Variants in ACE observed in about 807,000 individuals in gnomAD.
ACE encodes the protein angiotensin I converting enzyme.
In ACE, 122 loss-of-function variants were observed where a neutral mutation model predicts 162.3. That is an observed-to-expected ratio of 0.75 (90% CI 0.65 to 0.87). The LOEUF is 0.87. ACE is among the 40% of genes least tolerant of loss of function. The probability of loss-of-function intolerance (pLI) is 0.00; values close to 1 mark genes in which losing one functional copy is unlikely to be tolerated. For synonymous variants in ACE, 796 were observed against 720.6 expected (o/e 1.10, Z -1.68); for missense variants, 1,799 against 1,735.1 (o/e 1.04, Z -0.65).
intron 17 of ACE, 128 bp from the exon 18 acceptor site, chr17:63,490,826 G>A: frequency 1.1e-6 from 1 of 885,114 alleles, no homozygotes; most frequent in Non-Finnish European, 1.9e-6. Context: ...CTTGCAAACA[G>A]TAGGTGCTCA....
In ACE at chr17:63,481,590, C is replaced by T. The variant is rs35141294; in HGVS notation, c.970C>T (p.Arg324Trp). 1.6e-3 allele frequency: 2,513 copies of T among 1,613,962 alleles called. 27 individuals carry two copies. The African/African-American group carries it at 0.025, about 16-fold the overall frequency. Reference protein sequence around the residue: ...QQGWNATHMFRVAEEFFTSLE... With the variant: ...QQGWNATHMFWVAEEFFTSLE... ...GGGCTGGAACGCCACGCACATGTTC[C>T]GGGTGGCAGAGGAGTTCTTCACCTC... Residue 324 changes from arginine to tryptophan, a missense_variant, in exon 7 of 25, where the codon CGG (arginine) becomes TGG (tryptophan). Coordinates refer to ENST00000290866, the MANE Select transcript of ACE (RefSeq NM_000789.4).
intron 17 of ACE, 166 bp from the exon 18 acceptor site, chr17:63,490,788 C>A: frequency 1.4e-6 from 1 of 698,944 alleles, no homozygotes; most frequent in Non-Finnish European, 2.6e-6. Context: ...GCTGGATATG[C>A]ACACCAAAGA....
At position 63,487,072 on chromosome 17, in the gene ACE, A is replaced by G; in HGVS notation, c.2304A>G (p.Pro768=). 2.5e-6 allele frequency: 4 copies of G among 1,613,238 alleles called. No individual in the cohort carries two copies. Among genetic ancestry groups the G allele is most frequent in the Non-Finnish European group, 3.4e-6 (4 of 1,179,766 alleles). Residue 768 remains proline (P), a splice_region_variant and synonymous_variant, in exon 15 of 25, where the codon CCA becomes CCG. Transcript: ENST00000290866. ...HPNGSCLQLE[P]DLTNVMATSR... ...ATGGCAGCTGCCTGCAGCTCGAGCC[A>G]GGTGAGAGCTCATGTGCAGGCTGAG... is the stretch of plus-strand genomic sequence containing the variant.
chr17:63,479,754 CTGCCTG>C lies in ACE; in HGVS notation c.512-12_512-7del. The C allele has an allele frequency of 6.2e-7, 1 of 1,613,054 alleles. No homozygotes were observed. Among genetic ancestry groups the C allele is most frequent in the Non-Finnish European group, 8.5e-7 (1 of 1,180,026 alleles). The stretch of plus-strand genomic sequence containing the variant: ...GTGGAGGCCTCCTCACCGACCCTGC[CTGCCTG>C]TGTCTCAGATCTCACCAACATCCTG... On this transcript the variant is annotated splice_polypyrimidine_tract_variant and intron_variant, in intron 3 of 24. Coordinates refer to ENST00000290866, the MANE Select transcript of ACE (RefSeq NM_000789.4).
At chr17:63,480,186 AT>A in intron 4 of ACE, 150 bp from the exon 5 acceptor site, 1 of 913,104 alleles carries the variant, frequency 1.1e-6, no homozygotes, top group Non-Finnish European at 1.7e-6. Flanking sequence ...GCTGTAGCTA[AT>A]TAGAAATTGT....
rs200907466 is a variant in ACE, at chr17:63,480,439, A to C, written c.758A>C (p.Asn253Thr). The C allele has an allele frequency of 1.2e-6, 2 of 1,614,028 alleles. No homozygotes were observed. Among genetic ancestry groups the C allele is most frequent in the Non-Finnish European group, 1.7e-6 (2 of 1,180,006 alleles). ...LYQQLEPLYL[N>T]LHAFVRRALH... The stretch of plus-strand genomic sequence containing the variant: ...CAACAGCTAGAGCCCCTCTACCTGA[A>C]CCTCCATGCCTTCGTCCGCCGCGCA... Residue 253 changes from asparagine to threonine, a missense_variant, in exon 5 of 25, where the codon AAC becomes ACC. Physicochemically the swap from Asn to Thr is moderately conservative, Grantham distance 65. Coordinates refer to ENST00000290866, the MANE Select transcript of ACE (RefSeq NM_000789.4).
At chr17:63,482,395 C>A in intron 7 of ACE, 71 bp from the exon 8 acceptor site, 3 of 1,417,294 alleles carry the variant, frequency 2.1e-6, no homozygotes, top group South Asian at 1.2e-5. Context: ...AGGTGCCAAT[C>A]TGCCCTGTGC....
Position 63,481,697 on chromosome 17 carries a change from C to T in ACE, c.1077C>T (p.Cys359=), listed in dbSNP as rs750150414. The T allele has an allele frequency of 1.2e-6, 2 of 1,614,172 alleles. No homozygotes were observed. The highest frequency in any genetic ancestry group is 8.5e-7 in the Non-Finnish European group (1 of 1,180,028). Residue 359 remains cysteine (C), a synonymous_variant, in exon 7 of 25, where the codon TGC becomes TGT. Coordinates refer to ENST00000290866, the MANE Select transcript of ACE (RefSeq NM_000789.4). ...EKPADGREVV[C]HASAWDFYNR... ...CGGCCGACGGGCGGGAAGTGGTGTG[C>T]CACGCCTCGGCTTGGGACTTCTACA... is the stretch of plus-strand genomic sequence containing the variant.
In ACE at chr17:63,497,773, G is replaced by T. The variant is rs771222565; in HGVS notation, c.*407G>T. On this transcript the variant is annotated 3_prime_UTR_variant, in exon 25 of 25. Coordinates refer to ENST00000290866, the MANE Select transcript of ACE (RefSeq NM_000789.4). Reference sequence around the variant, plus strand: ...CCAGAGCTCTGCCCCAGCACCTCCTGGCGCTGGCGCCTGTCTTCCCTCCAG... The same window carrying T: ...CCAGAGCTCTGCCCCAGCACCTCCTTGCGCTGGCGCCTGTCTTCCCTCCAG... The T allele has an allele frequency of 2.6e-5, 10 of 383,080 alleles. No individual in the cohort carries two copies. Among genetic ancestry groups the T allele is most frequent in the Non-Finnish European group, 4.5e-5 (9 of 200,114 alleles). 23.7% of individuals were successfully genotyped at this position (383,080 alleles called of 1,614,324 possible). A position where few individuals can be genotyped will look rare whatever the true frequency, so the allele number is the denominator to read the frequency against.
chr17:63,494,323 G>A, intron 21 of ACE, 49 bp from the exon 22 acceptor site: 1 of 1,574,972 alleles, frequency 6.3e-7, no homozygotes, highest in South Asian at 1.1e-5. Context: ...GCCACCCCCA[G>A]CCTGGTTCTC....
chr17:63,495,512 G>A (rs1396279047), intron 22 of ACE, among the ~76,000 whole-genome samples: 2 of 152,194 alleles, frequency 1.3e-5, no homozygotes, highest in African/African-American at 2.4e-5. Context: ...ATTGTGGGAT[G>A]GATGAAGTCT....
intron 8 of ACE, 82 bp from the exon 9 acceptor site, chr17:63,482,947 G>T: frequency 6.8e-7 from 1 of 1,465,434 alleles, no homozygotes; most frequent in Non-Finnish European, 9.6e-7. Flanking sequence ...CTCACTTTCT[G>T]CTGCCCCGCC....
At chr17:63,481,239 A>G (rs1235206374) in intron 6 of ACE, 51 bp downstream of exon 6, 2 of 1,520,096 alleles carry the variant, frequency 1.3e-6, no homozygotes, top group Non-Finnish European at 1.8e-6. Context: ...GTGGGGCGCA[A>G]AAAAAGGGAG....
In ACE at chr17:63,486,640, C is replaced by T; in HGVS notation, c.2142C>T (p.Asn714=). ...ARKFDVNQLQ[N]TTIKRIIKKV... ...AGTTTGATGTGAACCAGTTGCAGAA[C>T]ACCACTATCAAGCGGATCATAAAGA... Residue 714 remains asparagine (N), a synonymous_variant, in exon 14 of 25, where the codon AAC becomes AAT. Transcript: ENST00000290866. 6.2e-7 allele frequency: 1 copy of T among 1,614,230 alleles called. No individual in the cohort carries two copies. Among genetic ancestry groups the T allele is most frequent in the Non-Finnish European group, 8.5e-7 (1 of 1,180,050 alleles).
intron 3 of ACE, 82 bp downstream of exon 3, chr17:63,479,182 T>A: frequency 8.4e-7 from 1 of 1,190,660 alleles, no homozygotes; most frequent in South Asian, 1.3e-5. Context: ...TGCAGTTGTG[T>A]AGGGTCTGTG....
rs965011190 is a variant in ACE at position 63,485,216 on chromosome 17, C to T, written c.1922-20C>T. ...AGGGGAGGCAGAGGTTTGTCTGTTT[C>T]CCTGCACTCTGTCCCACAGACCTGG... On this transcript the variant is annotated intron_variant, in intron 12 of 24. Coordinates refer to ENST00000290866, the MANE Select transcript of ACE (RefSeq NM_000789.4). 11 of 1,613,818 alleles carry T rather than the reference C, an allele frequency of 6.8e-6. No individual in the cohort carries two copies. Among genetic ancestry groups the T allele is most frequent in the African/African-American group, 1.3e-5 (1 of 74,916 alleles).
At position 63,491,185 on chromosome 17, in the gene ACE, G is replaced by A; in HGVS notation, c.2740-24G>A. On this transcript the variant is annotated intron_variant, in intron 18 of 24. Transcript: ENST00000290866. This position sits in a 1 kb window ranked among gnomAD's most constrained non-coding sequence, Gnocchi z 4.4. Reference sequence around the variant, plus strand: ...AGTCTGTCCCCGGAACCCCCAGTTTGGGCAGAACTCCCTCTGCTTGCAGGG... The same window carrying A: ...AGTCTGTCCCCGGAACCCCCAGTTTAGGCAGAACTCCCTCTGCTTGCAGGG... 1 of 1,613,606 alleles carries A rather than the reference G, an allele frequency of 6.2e-7. No individual in the cohort carries two copies. The highest frequency in any genetic ancestry group is 8.5e-7 in the Non-Finnish European group (1 of 1,179,992).
intron 17 of ACE, 109 bp downstream of exon 17, chr17:63,489,241 T>A: frequency 7.5e-7 from 1 of 1,328,212 alleles, no homozygotes; most frequent in Non-Finnish European, 1.0e-6. Flanking sequence ...ACTGAGAGAC[T>A]CCAGCCCTGT....
At chr17:63,479,984 C>A in intron 4 of ACE, 72 bp downstream of exon 4, 2 of 1,546,178 alleles carry the variant, frequency 1.3e-6, no homozygotes, top group South Asian at 2.3e-5. Context: ...GAGTCCCAGC[C>A]CAGAGTCAGG....
Sources: allele counts gnomAD v4.1 joint callset (sites outside exome capture counted in the v4.1 genomes callset), GRCh38; gene constraint gnomAD v4.1.1; non-coding constraint Gnocchi (gnomAD v3.1); transcripts MANE v1.5; gene names NCBI Gene and HGNC (gene_info 2026-07-23, HGNC 2026-07-21).